SND1: variants seen among roughly 807,000 people sequenced by gnomAD.
The protein encoded by SND1 is staphylococcal nuclease domain-containing protein 1.
In SND1, 38 loss-of-function variants were observed where a neutral mutation model predicts 121.7. The observed-to-expected ratio is 0.31, with a 90% CI of 0.24 to 0.41. SND1 has a LOEUF of 0.41. Ranked by LOEUF, SND1 falls within the 10% of genes least tolerant of loss-of-function variation. The probability of loss-of-function intolerance (pLI) is 1.00; values close to 1 mark genes in which losing one functional copy is unlikely to be tolerated. For missense variants in SND1, 868 were observed against 1,184.6 expected (o/e 0.73, Z 3.92); for synonymous variants, 401 against 447.4 (o/e 0.90, Z 1.31).
At chr7:127,949,376 TTAATG>T (rs1409061919) in intron 15 of SND1, among the ~76,000 whole-genome samples, 1 of 152,236 alleles carries the variant, frequency 6.6e-6, no homozygotes, top group Non-Finnish European at 1.5e-5. Context: ...AAGATTGCCT[TTAATG>T]AGCCAAGTTT....
chr7:128,089,830 G>T, intron 22 of SND1, 138 bp downstream of exon 22: 4 of 834,592 alleles, frequency 4.8e-6, no homozygotes, highest in Non-Finnish European at 7.4e-6. Context: ...ATTTGGGTTT[G>T]TTGGTGTTTT....
intron 12 of SND1, among the ~76,000 whole-genome samples, chr7:127,871,833 C>G (rs1441162696): frequency 6.6e-6 from 1 of 152,046 alleles, no homozygotes; most frequent in African/African-American, 2.4e-5. Flanking sequence ...GATCCTAGTT[C>G]ATGTTAAAAA....
rs560980611 is a variant in SND1, at chr7:128,059,337, G to A, written c.1780-15165G>A. On this transcript the variant is annotated intron_variant, in intron 16 of 23. Coordinates refer to ENST00000354725, the MANE Select transcript of SND1 (RefSeq NM_014390.4). ...TTGACTGACAGGATGTGGCTTTATCGTGTCTTCTCATCTAAATCATAGGCT... is the reference window on the plus strand; with the variant it reads ...TTGACTGACAGGATGTGGCTTTATCATGTCTTCTCATCTAAATCATAGGCT... Among the ~76,000 whole-genome samples, 7 of 152,250 alleles carry A rather than the reference G, an allele frequency of 4.6e-5. No individual in the cohort carries two copies. In the South Asian group the frequency reaches 1.0e-3, roughly 23 times the overall value.
At chr7:127,743,927 T>G (rs1417851256) in intron 10 of SND1, among the ~76,000 whole-genome samples, 1 of 152,190 alleles carries the variant, frequency 6.6e-6, no homozygotes. Flanking sequence ...TCCACCTGTA[T>G]TTTATCGACG....
intron 10 of SND1, among the ~76,000 whole-genome samples, chr7:127,753,452 C>CTT (rs879781917): frequency 3.4e-5 from 5 of 146,034 alleles, no homozygotes; most frequent in South Asian, 4.3e-4. Context: ...TTTTTCTAAA[C>CTT]TTTTTTTTTT....
chr7:128,020,201 G>A lies in SND1; in HGVS notation c.1779+29145G>A, dbSNP rs1354856474. Among the ~76,000 whole-genome samples, 5 of 152,224 alleles carry A rather than the reference G, an allele frequency of 3.3e-5. No individual in the cohort carries two copies. In the South Asian group the frequency reaches 6.2e-4, roughly 19 times the overall value. On this transcript the variant is annotated intron_variant, in intron 16 of 23. Transcript: ENST00000354725. ...CCTGATTTCTCAGCTCTTCCTGTTT[G>A]AATGAAATCATGAGTGGGCACCATC...
chr7:127,980,531 C>T (rs1319543760), intron 15 of SND1, among the ~76,000 whole-genome samples: 1 of 152,108 alleles, frequency 6.6e-6, no homozygotes, highest in Non-Finnish European at 1.5e-5. Context: ...ATATTCCTGA[C>T]ACTAGCTGGT....
At chr7:127,826,480 A>T (rs2116615363) in intron 11 of SND1, among the ~76,000 whole-genome samples, 1 of 152,298 alleles carries the variant, frequency 6.6e-6, no homozygotes, top group Non-Finnish European at 1.5e-5. Context: ...TAAAGACAAA[A>T]ATCTTCTATG....
At chr7:127,911,191 A>T (rs1224335200) in intron 14 of SND1, among the ~76,000 whole-genome samples, 1 of 152,174 alleles carries the variant, frequency 6.6e-6, no homozygotes, top group East Asian at 1.9e-4. Context: ...ATTGAACTCT[A>T]GTTGGACTAC....
chr7:128,012,494 G>A (rs1181378199), intron 16 of SND1, among the ~76,000 whole-genome samples: 5 of 152,180 alleles, frequency 3.3e-5, no homozygotes, highest in South Asian at 2.1e-4. Flanking sequence ...TTTGCCAAGC[G>A]GTATTTGCCT....
At chr7:127,672,611 T>C (rs1795539716) in intron 1 of SND1, among the ~76,000 whole-genome samples, 1 of 149,760 alleles carries the variant, frequency 6.7e-6, no homozygotes, top group African/African-American at 2.5e-5. Flanking sequence ...AAACTCCATC[T>C]CAAAAAAAAA....
Position 128,092,318 on chromosome 7 carries a change from G to T in SND1, c.*260G>T. 1 of 469,472 alleles carries T rather than the reference G, an allele frequency of 2.1e-6. No individual in the cohort carries two copies. The highest frequency in any genetic ancestry group is 3.8e-6 in the Non-Finnish European group (1 of 265,208). The allele number at this position is 469,472 out of a possible 1,614,324, so 29.1% of individuals were successfully genotyped here. A position where few individuals can be genotyped will look rare whatever the true frequency, so the allele number is the denominator to read the frequency against. Reference sequence around the variant, plus strand: ...CAGTTGGTTTTATTTGGAGGTTTGTGGGCTTTTTTTAAAAAAAAAAAGTCC... The same window carrying T: ...CAGTTGGTTTTATTTGGAGGTTTGTTGGCTTTTTTTAAAAAAAAAAAGTCC... On this transcript the variant is annotated 3_prime_UTR_variant, in exon 24 of 24. Transcript: ENST00000354725. This position sits in a 1 kb window ranked among gnomAD's most constrained non-coding sequence, Gnocchi z 4.9.
chr7:128,087,132 G>T, intron 21 of SND1, 81 bp downstream of exon 21: 1 of 1,037,672 alleles, frequency 9.6e-7, no homozygotes. Flanking sequence ...GGGCTGACAG[G>T]AGAAGATGGA....
At chr7:127,787,766 T>C (rs758538523) in intron 10 of SND1, among the ~76,000 whole-genome samples, 5 of 152,226 alleles carry the variant, frequency 3.3e-5, no homozygotes, top group Admixed American at 6.5e-5. Context: ...AGATTTATTA[T>C]CTTTGAATTT....
chr7:127,904,795 C>T lies in SND1; in HGVS notation c.1503C>T (p.Ile501=). The change falls in exon 14 of 24, where the codon ATC becomes ATT. Residue 501 remains isoleucine (I), a synonymous_variant. Coordinates refer to ENST00000354725, the MANE Select transcript of SND1 (RefSeq NM_014390.4). ...KGLHSKKEVP[I]HRVADISGDT... ...TGCATAGCAAGAAGGAAGTGCCTAT[C>T]CACCGTGTTGCAGATATATCTGGGG... The T allele has an allele frequency of 6.2e-7, 1 of 1,610,814 alleles. No homozygotes were observed.
chr7:127,711,938 A>T (rs902381856), intron 9 of SND1, among the ~76,000 whole-genome samples: 3 of 151,986 alleles, frequency 2.0e-5, no homozygotes, highest in African/African-American at 7.2e-5. Context: ...GCTTTCTGCG[A>T]AATTGATTTT....
chr7:127,941,642 C>A (rs1483865892), intron 15 of SND1, among the ~76,000 whole-genome samples: 1 of 152,010 alleles, frequency 6.6e-6, no homozygotes, highest in Non-Finnish European at 1.5e-5. Context: ...TGGATGCAGC[C>A]CCTGTGCTAG....
chr7:127,887,851 T>C (rs868458232), intron 12 of SND1, 51 bp from the exon 13 acceptor site: 1 of 1,209,314 alleles, frequency 8.3e-7, no homozygotes, highest in East Asian at 2.4e-5. Context: ...TTCTGTTGAC[T>C]GAGCCCCATA....
At chr7:128,006,379 T>C (rs1802976997) in intron 16 of SND1, among the ~76,000 whole-genome samples, 1 of 152,200 alleles carries the variant, frequency 6.6e-6, no homozygotes, top group South Asian at 2.1e-4. Context: ...TTGACTCTCA[T>C]TTGGGGAAAG....
Sources: gnomAD v4.1 joint callset for allele counts (sites outside exome capture counted in the v4.1 genomes callset) on GRCh38, gnomAD v4.1.1 for gene constraint, Gnocchi (gnomAD v3.1) non-coding constraint, MANE v1.5 for transcripts, NCBI Gene and HGNC (gene_info 2026-07-23, HGNC 2026-07-21) for gene names.